The following ROBO1 variants were observed in gnomAD, a reference collection of about 807,000 sequenced individuals.
The protein encoded by ROBO1 is roundabout homolog 1.
Under a neutral mutation model 195.9 loss-of-function variants are expected in ROBO1, and 149 were observed. The ratio of observed to expected loss-of-function variants is 0.76; its 90% CI spans 0.67 to 0.87. The LOEUF (loss-of-function observed/expected upper bound fraction) is 0.87, where lower values mean the gene tolerates loss of function less well. Among genes scored for constraint, ROBO1 ranks in the 40% least tolerant of loss-of-function variants. The pLI is 0.00. For synonymous variants in ROBO1, 816 were observed against 733.2 expected, an observed-to-expected ratio of 1.11 and a Z score of -1.82; for missense variants, 1,933 against 2,068.3, an observed-to-expected ratio of 0.93 and a Z score of 1.27.
chr3:78,893,746 C>T (rs2037060586), intron 4 of ROBO1, among the ~76,000 whole-genome samples: 1 of 151,718 alleles, frequency 6.6e-6, no homozygotes, highest in African/African-American at 2.4e-5. Flanking sequence ...TTTCGAATTT[C>T]ATAAAAGTAG....
At chr3:78,863,232 C>G (rs1354134038) in intron 4 of ROBO1, among the ~76,000 whole-genome samples, 1 of 152,154 alleles carries the variant, frequency 6.6e-6, no homozygotes, top group Non-Finnish European at 1.5e-5. Context: ...CCCTGTGTCT[C>G]ACACCTAGTG....
At chr3:79,268,580 C>A (rs2030210360) in intron 2 of ROBO1, among the ~76,000 whole-genome samples, 1 of 151,596 alleles carries the variant, frequency 6.6e-6, no homozygotes, top group African/African-American at 2.4e-5. Context: ...CAAGATGGCA[C>A]TTAATTCCAG....
intron 1 of ROBO1, among the ~76,000 whole-genome samples, chr3:79,741,105 T>C (rs1017168199): frequency 1.3e-5 from 2 of 152,068 alleles, no homozygotes; most frequent in Non-Finnish European, 2.9e-5. Context: ...CTGGAAAAGG[T>C]TGTGCTTAGG....
intron 4 of ROBO1, among the ~76,000 whole-genome samples, chr3:78,860,156 T>C (rs1358493809): frequency 6.7e-6 from 1 of 149,946 alleles, no homozygotes; most frequent in Non-Finnish European, 1.5e-5. Context: ...GATAGATAGA[T>C]AGATAGATAG....
intron 2 of ROBO1, among the ~76,000 whole-genome samples, chr3:79,447,251 G>C (rs2107172406): frequency 6.6e-6 from 1 of 152,264 alleles, no homozygotes; most frequent in East Asian, 1.9e-4. Flanking sequence ...ATCATGTGAG[G>C]CTCATTGAAG....
At chr3:78,660,674 A>G (rs1159283348) in intron 16 of ROBO1, 1 of 178,682 alleles carries the variant, frequency 5.6e-6, no homozygotes, top group Non-Finnish European at 1.2e-5. Flanking sequence ...TATTCAAATC[A>G]TGGATCAAAA....
chr3:79,397,415 T>C (rs758421925), intron 2 of ROBO1, among the ~76,000 whole-genome samples: 25 of 152,124 alleles, frequency 1.6e-4, no homozygotes, highest in Non-Finnish European at 3.1e-4. Context: ...TCTGTCGTAT[T>C]GGACAAAGCT....
At chr3:79,339,396 C>A (rs1196835816) in intron 2 of ROBO1, among the ~76,000 whole-genome samples, 1 of 152,128 alleles carries the variant, frequency 6.6e-6, no homozygotes, top group African/African-American at 2.4e-5. Context: ...TTTGCTTATT[C>A]TTCTCAGCCA....
At chr3:79,312,898 C>T (rs2033552896) in intron 2 of ROBO1, among the ~76,000 whole-genome samples, 1 of 152,128 alleles carries the variant, frequency 6.6e-6, no homozygotes, top group Non-Finnish European at 1.5e-5. Flanking sequence ...TACATGCATA[C>T]ATATACCTAT....
chr3:78,944,869 C>T (rs775563416), intron 3 of ROBO1, among the ~76,000 whole-genome samples: 5 of 152,190 alleles, frequency 3.3e-5, no homozygotes, highest in South Asian at 2.1e-4. Context: ...GATTATATCC[C>T]GCACGTGGCT....
At chr3:79,249,466 A>C (rs2108904445) in intron 2 of ROBO1, among the ~76,000 whole-genome samples, 1 of 152,244 alleles carries the variant, frequency 6.6e-6, no homozygotes, top group African/African-American at 2.4e-5. Context: ...GCGTTGCTGG[A>C]TCTTCAACTA....
chr3:78,638,484 CATTATA>C (rs1245638940), intron 22 of ROBO1, among the ~76,000 whole-genome samples: 1 of 151,712 alleles, frequency 6.6e-6, no homozygotes, highest in Non-Finnish European at 1.5e-5. Context: ...GAATTTGGTT[CATTATA>C]ACTATGAATT....
chr3:79,500,316 GAC>G (rs1020181054), intron 2 of ROBO1, among the ~76,000 whole-genome samples: 2 of 151,984 alleles, frequency 1.3e-5, no homozygotes, highest in African/African-American at 4.8e-5. Flanking sequence ...TTTTAGTAGA[GAC>G]AGGGTTTCAC....
intron 2 of ROBO1, among the ~76,000 whole-genome samples, chr3:79,520,598 T>A (rs1047901526): frequency 6.6e-6 from 1 of 152,142 alleles, no homozygotes; most frequent in South Asian, 2.1e-4. Flanking sequence ...ATAAGACATA[T>A]TGTGAAATTA....
chr3:78,717,203 T>G (rs933428734), intron 7 of ROBO1, 72 bp downstream of exon 7: 2 of 1,447,422 alleles, frequency 1.4e-6, no homozygotes, highest in Non-Finnish European at 1.9e-6. Context: ...ATGGCCCGGA[T>G]GTGGAGATGA....
At chr3:79,178,505 G>C (rs201059118) in intron 2 of ROBO1, among the ~76,000 whole-genome samples, 3 of 152,146 alleles carry the variant, frequency 2.0e-5, no homozygotes, top group African/African-American at 7.2e-5. Context: ...TATGGCTTTT[G>C]AATGAAACAG....
intron 2 of ROBO1, among the ~76,000 whole-genome samples, chr3:79,134,988 T>C (rs529608412): frequency 7.5e-5 from 11 of 146,800 alleles, no homozygotes; most frequent in Admixed American, 3.4e-4. Context: ...TGTATACATA[T>C]GTAACTAACC....
At chr3:78,765,779 G>T (rs2083215471) in intron 4 of ROBO1, among the ~76,000 whole-genome samples, 1 of 152,146 alleles carries the variant, frequency 6.6e-6, no homozygotes, top group Admixed American at 6.5e-5. Context: ...ATTTCTCAAT[G>T]AATTCAGCAT....
intron 2 of ROBO1, among the ~76,000 whole-genome samples, chr3:79,410,200 T>C (rs1438424412): frequency 6.6e-6 from 1 of 152,180 alleles, no homozygotes; most frequent in East Asian, 1.9e-4. Flanking sequence ...AGTGGTTATG[T>C]CCATCCTTGC....
Sources: allele counts gnomAD v4.1 joint callset (sites outside exome capture counted in the v4.1 genomes callset), GRCh38; gene constraint gnomAD v4.1.1; transcripts MANE v1.5; gene names NCBI Gene and HGNC (gene_info 2026-07-23, HGNC 2026-07-21).